Variants in CD300LG observed in about 807,000 individuals in gnomAD.
CD300LG encodes the protein CD300 molecule like family member g, also known as CMRF35-like molecule 9.
Under a neutral mutation model 31.5 loss-of-function variants are expected in CD300LG, and 29 were observed. The ratio of observed to expected loss-of-function variants is 0.92; its 90% confidence interval spans 0.68 to 1.25. The LOEUF (loss-of-function observed/expected upper bound fraction) is 1.25, where lower values mean the gene tolerates loss of function less well. CD300LG is among the 50% of genes most tolerant of loss of function. The probability of loss-of-function intolerance (pLI) is 0.00; values close to 1 mark genes in which losing one functional copy is unlikely to be tolerated. For missense variants in CD300LG, 396 were observed against 417.6 expected (o/e 0.95, Z 0.45); for synonymous variants, 175 against 177.2 (o/e 0.99, Z 0.10).
rs1039501220 is a variant in CD300LG at position 43,862,957 on chromosome 17, C to T, written c.*1046C>T. The T allele has an allele frequency of 2.6e-5, 4 of 151,818 alleles. No homozygotes were observed. Among genetic ancestry groups the T allele is most frequent in the East Asian group, 1.9e-4 (1 of 5,208 alleles). 9.4% of individuals were successfully genotyped at this position (151,818 alleles called of 1,614,324 possible). On this transcript the variant is annotated 3_prime_UTR_variant, in exon 7 of 7. Coordinates refer to ENST00000317310, the MANE Select transcript of CD300LG (RefSeq NM_145273.4). Reference sequence around the variant, plus strand: ...CAGGGCGGATACCTGAAGGTGACTCCGAGTCCAGCCCCCTGGAGAAGGGGT... The same window carrying T: ...CAGGGCGGATACCTGAAGGTGACTCTGAGTCCAGCCCCCTGGAGAAGGGGT...
At chr17:43,858,139 T>A (rs1274743527) in intron 6 of CD300LG, 12 of 1,299,658 alleles carry the variant, frequency 9.2e-6, no homozygotes, top group African/African-American at 1.5e-5. Context: ...CTGGCGCCAG[T>A]GAGGACAAAA....
intron 3 of CD300LG, among the ~76,000 whole-genome samples, chr17:43,853,223 G>A (rs2046411794): frequency 6.6e-6 from 1 of 152,136 alleles, no homozygotes. Context: ...TCCCAGAAGT[G>A]GTCACAGCCT....
chr17:43,856,797 C>T (rs1319742543), intron 5 of CD300LG, among the ~76,000 whole-genome samples: 1 of 152,208 alleles, frequency 6.6e-6, no homozygotes, highest in Non-Finnish European at 1.5e-5. Flanking sequence ...CTGCACTGTA[C>T]AAAAACATCC....
intron 2 of CD300LG, among the ~76,000 whole-genome samples, chr17:43,850,136 T>C (rs2046306680): frequency 6.6e-6 from 1 of 152,240 alleles, no homozygotes; most frequent in East Asian, 1.9e-4. Context: ...AGTTGGGATG[T>C]TGAAAATGAA....
In CD300LG at chr17:43,861,795, C is replaced by T; in HGVS notation, c.886-3C>T. On this transcript the variant is annotated splice_polypyrimidine_tract_variant and splice_region_variant and intron_variant, in intron 6 of 6. Transcript: ENST00000317310. ...TCTCCAAACCCCACTGTTGTCTTTACAGACTGCGGAGGAAAAGGAAGCCCC... is the reference window on the plus strand; with the variant it reads ...TCTCCAAACCCCACTGTTGTCTTTATAGACTGCGGAGGAAAAGGAAGCCCC... The T allele has an allele frequency of 1.3e-6, 2 of 1,592,282 alleles. No homozygotes were observed. The highest frequency in any genetic ancestry group is 1.7e-6 in the Non-Finnish European group (2 of 1,169,664).
intron 2 of CD300LG, among the ~76,000 whole-genome samples, chr17:43,851,953 T>C (rs2046371726): frequency 6.6e-6 from 1 of 152,018 alleles, no homozygotes; most frequent in African/African-American, 2.4e-5. Context: ...AAAAAGAGAT[T>C]CGCTGCTTCC....
At chr17:43,858,106 C>G in intron 6 of CD300LG, 1 of 1,364,996 alleles carries the variant, frequency 7.3e-7, no homozygotes, top group Non-Finnish European at 9.5e-7. Context: ...GGCAGGAAAG[C>G]GGAGCTACCA....
At chr17:43,848,990 A>T (rs777795994) in intron 2 of CD300LG, 97 bp downstream of exon 2, 2 of 1,081,494 alleles carry the variant, frequency 1.8e-6, no homozygotes, top group Non-Finnish European at 2.7e-6. Context: ...CATTATGGGC[A>T]CTGAGTCCTC....
chr17:43,859,724 G>A (rs2143411816), intron 6 of CD300LG, among the ~76,000 whole-genome samples: 1 of 152,260 alleles, frequency 6.6e-6, no homozygotes, highest in Admixed American at 6.5e-5. Flanking sequence ...ACCATGGGCA[G>A]GGCTAGGAGG....
At chr17:43,847,705 C>T (rs1297131801) in intron 1 of CD300LG, among the ~76,000 whole-genome samples, 3 of 152,190 alleles carry the variant, frequency 2.0e-5, no homozygotes, top group Non-Finnish European at 4.4e-5. Context: ...CCTTCTAACA[C>T]TTAAAATCAG....
chr17:43,857,621 G>A, intron 6 of CD300LG: 1 of 1,135,574 alleles, frequency 8.8e-7, no homozygotes, highest in Non-Finnish European at 1.3e-6. Flanking sequence ...GAACCCTCCA[G>A]GGGTGGGGTC....
chr17:43,861,880 A>G lies in CD300LG; in HGVS notation c.968A>G (p.Glu323Gly), dbSNP rs1190700106. The change falls in exon 7 of 7, where the codon GAG becomes GGG. Residue 323 changes from glutamate (E) to glycine (G), a missense_variant. Glu to Gly is a moderately conservative substitution (Grantham distance 98). Transcript: ENST00000317310. ...CCTCCCCTCCACACATCTGAGGAGGAGCTGGGCTTCTCGAAGTTTGTCTCA... is the reference window on the plus strand; with the variant it reads ...CCTCCCCTCCACACATCTGAGGAGGGGCTGGGCTTCTCGAAGTTTGTCTCA... Reference protein sequence around the residue: ...SMPPLHTSEEELGFSKFVSA With the variant: ...SMPPLHTSEEGLGFSKFVSA 6.2e-7 allele frequency: 1 copy of G among 1,611,904 alleles called. No individual in the cohort carries two copies. Among genetic ancestry groups the G allele is most frequent in the Non-Finnish European group, 8.5e-7 (1 of 1,179,128 alleles).
chr17:43,847,394 T>TGGGGGTGGGGGGGGGGGGGGGGTG, intron 1 of CD300LG, 135 bp downstream of exon 1: 1 of 311,080 alleles, frequency 3.2e-6, no homozygotes. Flanking sequence ...CGGGGCGGGC[T>TGGGGGTGGGGGGGGGGGGGGGGTG]GGGGGTGGGG....
chr17:43,860,882 G>T (rs919156973), intron 6 of CD300LG, among the ~76,000 whole-genome samples: 1 of 152,170 alleles, frequency 6.6e-6, no homozygotes, highest in Non-Finnish European at 1.5e-5. Flanking sequence ...TAATCCCAAA[G>T]GACAAATTCT....
chr17:43,848,209 T>C (rs1057315418), intron 1 of CD300LG, among the ~76,000 whole-genome samples: 1 of 152,092 alleles, frequency 6.6e-6, no homozygotes, highest in African/African-American at 2.4e-5. Flanking sequence ...GCCACTGCAC[T>C]CCAGCCTGGG....
intron 6 of CD300LG, chr17:43,858,118 T>G (rs2046577669): frequency 3.0e-6 from 4 of 1,338,664 alleles, no homozygotes; most frequent in Admixed American, 6.2e-5. Flanking sequence ...GAGCTACCAT[T>G]GCCTTCTTTC....
At chr17:43,857,755 C>T (rs1339046324) in intron 6 of CD300LG, 1 of 1,533,986 alleles carries the variant, frequency 6.5e-7, no homozygotes, top group Non-Finnish European at 8.7e-7. Flanking sequence ...GAGAACAGGA[C>T]CCAGATTTCT....
intron 4 of CD300LG, among the ~76,000 whole-genome samples, chr17:43,854,947 A>G (rs1335173959): frequency 6.6e-6 from 1 of 152,106 alleles, no homozygotes; most frequent in East Asian, 1.9e-4. Flanking sequence ...CACTTATCCA[A>G]GGTATAGAAA....
chr17:43,849,260 A>G (rs910908926), intron 2 of CD300LG: 1 of 393,620 alleles, frequency 2.5e-6, no homozygotes, highest in Non-Finnish European at 4.5e-6. Context: ...TGTCAGAGAT[A>G]TTCCTGAGGC....
Sources: gnomAD v4.1 joint callset for allele counts (sites outside exome capture counted in the v4.1 genomes callset) on GRCh38, gnomAD v4.1.1 for gene constraint, MANE v1.5 for transcripts, NCBI Gene and HGNC (gene_info 2026-07-23, HGNC 2026-07-21) for gene names.